CMTM1: variants seen among roughly 807,000 people sequenced by gnomAD.
CMTM1 encodes CKLF like MARVEL transmembrane domain containing 1, also known as CKLF-like MARVEL transmembrane domain-containing protein 1.
A neutral mutation model predicts 17.8 loss-of-function variants in CMTM1; 16 were observed. The ratio of observed to expected loss-of-function variants is 0.90; its 90% CI spans 0.61 to 1.37. The LOEUF is 1.37. CMTM1 is among the 40% of genes most tolerant of loss of function. The pLI is 0.00. For missense variants in CMTM1, 354 were observed against 375.6 expected (o/e 0.94, Z 0.47); for synonymous variants, 169 against 154.6 (o/e 1.09, Z -0.69).
At chr16:66,572,888 T>C (rs2013749489) in intron 2 of CMTM1, among the ~76,000 whole-genome samples, 1 of 152,194 alleles carries the variant, frequency 6.6e-6, no homozygotes, top group Non-Finnish European at 1.5e-5. Flanking sequence ...GGAGACAGAC[T>C]GTGATACATC....
At chr16:66,578,719 A>G in intron 3 of CMTM1, 112 bp from the exon 4 acceptor site, 1 of 1,421,146 alleles carries the variant, frequency 7.0e-7, no homozygotes. Context: ...GTCAGAGGGG[A>G]CAGGAGGCCA....
chr16:66,568,993 C>T (rs187729924), intron 1 of CMTM1, among the ~76,000 whole-genome samples: 1 of 151,848 alleles, frequency 6.6e-6, no homozygotes. Flanking sequence ...ATGATTTAGT[C>T]AGGTGACTCG....
chr16:66,572,934 C>T (rs2013754899), intron 2 of CMTM1, among the ~76,000 whole-genome samples: 1 of 152,204 alleles, frequency 6.6e-6, no homozygotes, highest in African/African-American at 2.4e-5. Flanking sequence ...CCAAAGAGAA[C>T]TTACTGCAGA....
intron 2 of CMTM1, among the ~76,000 whole-genome samples, chr16:66,572,806 A>G (rs989983784): frequency 6.6e-6 from 1 of 152,140 alleles, no homozygotes; most frequent in African/African-American, 2.4e-5. Flanking sequence ...AGGCTCATAA[A>G]AGGATAGAGT....
Position 66,579,093 on chromosome 16 carries a change from C to A in CMTM1, c.*92C>A. 1 of 1,486,894 alleles carries A rather than the reference C, an allele frequency of 6.7e-7. No individual in the cohort carries two copies. Among genetic ancestry groups the A allele is most frequent in the Non-Finnish European group, 9.0e-7 (1 of 1,113,558 alleles). The allele number at this position is 1,486,894 out of a possible 1,614,324, so 92.1% of individuals were successfully genotyped here. ...CTCGCATGCTGTCACCCATTCCAGC[C>A]TAAATGTGACCATAAAATTAGGGCT... On this transcript the variant is annotated 3_prime_UTR_variant, in exon 4 of 4. Transcript: ENST00000379500. This position sits in a 1 kb window ranked among gnomAD's most constrained non-coding sequence, Gnocchi z 6.5.
Position 66,578,828 on chromosome 16 carries a change from C to G in CMTM1, c.691-3C>G. On this transcript the variant is annotated splice_polypyrimidine_tract_variant and splice_region_variant and intron_variant, in intron 3 of 3. Transcript: ENST00000379500. The stretch of plus-strand genomic sequence containing the variant: ...TTCCCGCATATGGTCTTGTATCTGA[C>G]AGTCCCTGTGTCTCACAGCGGTAAT... The G allele has an allele frequency of 6.2e-7, 1 of 1,613,912 alleles. No homozygotes were observed. Among genetic ancestry groups the G allele is most frequent in the Non-Finnish European group, 8.5e-7 (1 of 1,179,828 alleles).
rs765466789 is a variant in CMTM1, at chr16:66,578,956, C to T, written c.816C>T (p.Asp272=). The change falls in exon 4 of 4, where the codon GAC becomes GAT. Residue 272 remains aspartate (D), a synonymous_variant. Transcript: ENST00000379500. The stretch of plus-strand genomic sequence containing the variant: ...AAAGGAAGCTTTCCCCCGCCAAGGA[C>T]GCCTACCCCGAAACCGGCCCCGACG... The part of the protein sequence containing the change: ...EVERKLSPAK[D]AYPETGPDAP... 12 of 1,613,984 alleles carry T rather than the reference C, an allele frequency of 7.4e-6. No individual in the cohort carries two copies. Among genetic ancestry groups the T allele is most frequent in the Non-Finnish European group, 9.3e-6 (11 of 1,180,038 alleles).
intron 2 of CMTM1, 89 bp downstream of exon 2, chr16:66,570,183 A>C (rs954912401): frequency 7.7e-6 from 8 of 1,043,326 alleles, no homozygotes; most frequent in African/African-American, 6.4e-5. Flanking sequence ...CAACGGAGCT[A>C]TCTCTCTAGA....
rs760037737 is a variant in CMTM1 at position 66,577,196 on chromosome 16, CG to C, written c.690+1del. 4.3e-6 allele frequency: 7 copies of C among 1,612,824 alleles called. No homozygotes were observed. The highest frequency in any genetic ancestry group is 2.2e-5 in the East Asian group (1 of 44,858). On this transcript the variant is annotated frameshift_variant, in exon 3 of 4. Transcript: ENST00000379500. LOFTEE classifies it low-confidence loss of function (END_TRUNC). ...EKKRRHLLYV[G>X]GSLCLTAVIV... ...AGAAAAGAAGGCATTTACTCTATGT[CG>C]GGGGGGTAAGTAGAGGCCTTCATGA...
intron 2 of CMTM1, among the ~76,000 whole-genome samples, chr16:66,574,145 T>C (rs970273942): frequency 6.6e-6 from 1 of 152,158 alleles, no homozygotes; most frequent in Admixed American, 6.5e-5. Flanking sequence ...AAAAAACACA[T>C]TTCTCATTTT....
chr16:66,575,786 GATA>G (rs1263391210), intron 2 of CMTM1, among the ~76,000 whole-genome samples: 4 of 152,348 alleles, frequency 2.6e-5, no homozygotes, highest in Middle Eastern at 3.4e-3. Context: ...GTGATTCCAT[GATA>G]CCATACACTG....
chr16:66,573,645 T>G (rs2144651771), intron 2 of CMTM1, among the ~76,000 whole-genome samples: 1 of 151,646 alleles, frequency 6.6e-6, no homozygotes, highest in South Asian at 2.1e-4. Context: ...CTATTACAAA[T>G]ACTACATTTT....
intron 1 of CMTM1, among the ~76,000 whole-genome samples, chr16:66,568,262 TAA>T (rs2012903937): frequency 6.6e-6 from 1 of 152,128 alleles, no homozygotes. Context: ...GATTCAATAT[TAA>T]GATTCTATTA....
intron 1 of CMTM1, among the ~76,000 whole-genome samples, chr16:66,567,610 A>C (rs1303166087): frequency 1.3e-5 from 2 of 152,240 alleles, no homozygotes; most frequent in Non-Finnish European, 2.9e-5. Flanking sequence ...TTAGGGAAGC[A>C]ATGAAGATAA....
intron 2 of CMTM1, chr16:66,574,990 C>T: frequency 1.0e-6 from 1 of 985,454 alleles, no homozygotes; most frequent in Non-Finnish European, 1.2e-6. Flanking sequence ...TCAGTCAGGC[C>T]TGCCCACTAT....
chr16:66,569,401 A>G (rs2013142667), intron 1 of CMTM1, among the ~76,000 whole-genome samples: 2 of 152,250 alleles, frequency 1.3e-5, no homozygotes. Context: ...TGAATTGTCT[A>G]TAACTTAGAG....
At chr16:66,568,273 T>G (rs1196229958) in intron 1 of CMTM1, among the ~76,000 whole-genome samples, 1 of 152,150 alleles carries the variant, frequency 6.6e-6, no homozygotes, top group Non-Finnish European at 1.5e-5. Context: ...AAGATTCTAT[T>G]AAAATAATTC....
At chr16:66,570,226 GTTGCCCTGGTCCAGAAGGATTCC>G in intron 2 of CMTM1, 132 bp downstream of exon 2, 1 of 703,786 alleles carries the variant, frequency 1.4e-6, no homozygotes, top group Non-Finnish European at 2.3e-6. Context: ...CAGTTAGGGT[GTTGCCCTGGTCCAGAAGGATTCC>G]TTGAACCCTT....
intron 2 of CMTM1, among the ~76,000 whole-genome samples, chr16:66,571,470 C>T (rs746856905): frequency 6.6e-6 from 1 of 152,196 alleles, no homozygotes; most frequent in Admixed American, 6.5e-5. Context: ...CTCAGATATG[C>T]ACCCAGGTCT....
Sources: gnomAD v4.1 joint callset for allele counts (sites outside exome capture counted in the v4.1 genomes callset) on GRCh38, gnomAD v4.1.1 for gene constraint, Gnocchi (gnomAD v3.1) non-coding constraint, MANE v1.5 for transcripts, NCBI Gene and HGNC (gene_info 2026-07-23, HGNC 2026-07-21) for gene names.